NNT: variants seen among roughly 807,000 people sequenced by gnomAD.
NNT encodes NAD(P) transhydrogenase, mitochondrial.
A neutral mutation model predicts 104.8 loss-of-function variants in NNT; 50 were observed. The observed-to-expected ratio is 0.48, with a 90% CI of 0.38 to 0.60. The LOEUF is 0.60. Ranked by LOEUF, NNT falls within the 20% of genes least tolerant of loss-of-function variation. The pLI, the probability that NNT is intolerant of heterozygous loss-of-function variation, is 0.00. For synonymous variants in NNT, 461 were observed against 490.4 expected (o/e 0.94, Z 0.79); for missense variants, 1,131 against 1,330.7 (o/e 0.85, Z 2.33).
At chr5:43,639,074 G>A in intron 7 of NNT, among the ~76,000 whole-genome samples, 1 of 152,006 alleles carries the variant, frequency 6.6e-6, no homozygotes, top group East Asian at 1.9e-4. Flanking sequence ...ATTTAGTGCT[G>A]TAAAGAAGCC....
At chr5:43,685,748 A>G (rs975778969) in intron 19 of NNT, among the ~76,000 whole-genome samples, 3 of 152,120 alleles carry the variant, frequency 2.0e-5, no homozygotes, top group African/African-American at 7.2e-5. Flanking sequence ...TGAATGTTTT[A>G]TATTCTTCAA....
intron 19 of NNT, among the ~76,000 whole-genome samples, chr5:43,691,409 G>A (rs1277621066): frequency 6.6e-6 from 1 of 152,134 alleles, no homozygotes; most frequent in African/African-American, 2.4e-5. Flanking sequence ...CGGCCAGAGT[G>A]TGTTATTTTT....
intron 7 of NNT, among the ~76,000 whole-genome samples, chr5:43,637,471 CCAGAAA>C (rs1750994169): frequency 6.6e-6 from 1 of 152,120 alleles, no homozygotes; most frequent in Non-Finnish European, 1.5e-5. Context: ...CCTTTAGCTG[CCAGAAA>C]CAGAAATTCT....
intron 8 of NNT, 103 bp from the exon 9 acceptor site, chr5:43,644,508 T>C: frequency 1.7e-6 from 2 of 1,166,356 alleles, no homozygotes; most frequent in Non-Finnish European, 2.4e-6. Flanking sequence ...TTCATAAAGA[T>C]ATATAATTAC....
At chr5:43,630,824 G>A (rs985586763) in intron 7 of NNT, among the ~76,000 whole-genome samples, 2 of 152,102 alleles carry the variant, frequency 1.3e-5, no homozygotes, top group East Asian at 1.9e-4. Flanking sequence ...AAGAAAGTGG[G>A]TCATATAATG....
chr5:43,639,558 A>G (rs1345518559), intron 7 of NNT, among the ~76,000 whole-genome samples: 1 of 152,270 alleles, frequency 6.6e-6, no homozygotes, highest in East Asian at 1.9e-4. Context: ...GAATGCAGCC[A>G]CTTTTAGTTG....
chr5:43,693,489 A>G (rs1046493099), intron 19 of NNT, among the ~76,000 whole-genome samples: 2 of 152,196 alleles, frequency 1.3e-5, no homozygotes, highest in African/African-American at 4.8e-5. Flanking sequence ...GAATCCTTGT[A>G]ACATTTTGGA....
intron 18 of NNT, among the ~76,000 whole-genome samples, chr5:43,676,701 T>C (rs1200382955): frequency 1.3e-5 from 2 of 152,184 alleles, no homozygotes; most frequent in Non-Finnish European, 2.9e-5. Flanking sequence ...GAGGACACAA[T>C]CTATTTCCTC....
intron 1 of NNT, 70 bp from the exon 2 acceptor site, chr5:43,609,073 T>A: frequency 1.5e-6 from 1 of 686,522 alleles, no homozygotes; most frequent in Non-Finnish European, 2.4e-6. Flanking sequence ...ATTTTTAAAA[T>A]GTTTTTCATG....
rs543577692 is a variant in NNT, at chr5:43,686,746, A to G, written c.2876+8940A>G. 2.5e-3 allele frequency among the ~76,000 whole-genome samples: 381 copies of G among 152,286 alleles called. 1 individual carries two copies. In the Middle Eastern group the frequency reaches 0.027, roughly 11 times the overall value. On this transcript the variant is annotated intron_variant, in intron 19 of 21. Coordinates refer to ENST00000344920, the MANE Select transcript of NNT (RefSeq NM_182977.3). The stretch of plus-strand genomic sequence containing the variant: ...GATAATTGCTGTGTACATTTATTGA[A>G]CAATTGTGTCTGCCAGGTGTTGGCC...
chr5:43,699,050 G>T (rs947278518), intron 19 of NNT, among the ~76,000 whole-genome samples: 3 of 151,896 alleles, frequency 2.0e-5, no homozygotes, highest in Non-Finnish European at 4.4e-5. Flanking sequence ...ACTTCTTATG[G>T]AGCCCTTTCT....
At chr5:43,636,158 GT>G (rs746518181) in intron 7 of NNT, among the ~76,000 whole-genome samples, 54 of 152,288 alleles carry the variant, frequency 3.5e-4, no homozygotes, top group Non-Finnish European at 5.7e-4. Flanking sequence ...ACCTTGCAAA[GT>G]TGTTTTGAGG....
At chr5:43,670,295 G>C (rs1740983965) in intron 17 of NNT, among the ~76,000 whole-genome samples, 1 of 152,170 alleles carries the variant, frequency 6.6e-6, no homozygotes, top group South Asian at 2.1e-4. Context: ...GTTCTGCTCT[G>C]ATCTTAGTTA....
At chr5:43,634,541 CT>C (rs1162336931) in intron 7 of NNT, among the ~76,000 whole-genome samples, 1 of 152,104 alleles carries the variant, frequency 6.6e-6, no homozygotes, top group East Asian at 1.9e-4. Context: ...TTTTATATTA[CT>C]TTTTTTGTTA....
chr5:43,685,381 G>C (rs1448696518), intron 19 of NNT, among the ~76,000 whole-genome samples: 1 of 152,106 alleles, frequency 6.6e-6, no homozygotes, highest in Non-Finnish European at 1.5e-5. Flanking sequence ...ATGTAAAACA[G>C]AGTAAAATAA....
At position 43,649,137 on chromosome 5, in the gene NNT, C is replaced by A. The variant is rs1739614672; in HGVS notation, c.1445-10C>A. On this transcript the variant is annotated splice_polypyrimidine_tract_variant and intron_variant, in intron 10 of 21. Coordinates refer to ENST00000344920, the MANE Select transcript of NNT (RefSeq NM_182977.3). The stretch of plus-strand genomic sequence containing the variant: ...TCAGCTCAAACACACTCTTTACTCT[C>A]TTTCTCTAGGTCTCACAGGGATACT... 1.9e-6 allele frequency: 3 copies of A among 1,613,792 alleles called. No individual in the cohort carries two copies. The South Asian group carries it at 3.3e-5, about 18-fold the overall frequency.
At chr5:43,618,829 T>C (rs1437342125) in intron 4 of NNT, among the ~76,000 whole-genome samples, 1 of 152,178 alleles carries the variant, frequency 6.6e-6, no homozygotes, top group Non-Finnish European at 1.5e-5. Context: ...ACAGTAATTG[T>C]ACCTTTCCAT....
At position 43,700,167 on chromosome 5, in the gene NNT, G is replaced by A; in HGVS notation, c.2925G>A (p.Val975=). The A allele has an allele frequency of 6.2e-7, 1 of 1,613,790 alleles. No individual in the cohort carries two copies. The highest frequency in any genetic ancestry group is 8.5e-7 in the Non-Finnish European group (1 of 1,179,804). The change falls in exon 20 of 22, where the codon GTG becomes GTA. Residue 975 remains valine (V), a synonymous_variant. Transcript: ENST00000344920. ...VAGRMPGQLN[V]LLAEAGVPYD... ...GCCGAATGCCTGGTCAGCTTAATGT[G>A]CTGCTGGCTGAGGCTGGTGTGCCAT...
chr5:43,669,945 G>T (rs1036669458), intron 17 of NNT, among the ~76,000 whole-genome samples: 20 of 152,084 alleles, frequency 1.3e-4, no homozygotes, highest in Admixed American at 1.2e-3. Flanking sequence ...ATTAATTATT[G>T]CCTCAATTTC....
Sources: gnomAD v4.1 joint callset for allele counts (sites outside exome capture counted in the v4.1 genomes callset) on GRCh38, gnomAD v4.1.1 for gene constraint, MANE v1.5 for transcripts, NCBI Gene and HGNC (gene_info 2026-07-23, HGNC 2026-07-21) for gene names.